STXBP6: variants seen among roughly 807,000 people sequenced by gnomAD.
STXBP6 encodes the protein syntaxin-binding protein 6.
A neutral mutation model predicts 26.9 loss-of-function variants in STXBP6; 21 were observed. That is an observed-to-expected ratio of 0.78 (90% confidence interval 0.55 to 1.12). The LOEUF is 1.12. Ranked by LOEUF, STXBP6 falls within the 50% of genes most tolerant of loss-of-function variation. STXBP6 has a pLI of 0.00. For missense variants in STXBP6, 232 were observed against 257.9 expected (o/e 0.90, Z 0.69); for synonymous variants, 97 against 92.6 (o/e 1.05, Z -0.27).
chr14:24,855,504 G>A (rs1362957244), intron 4 of STXBP6, among the ~76,000 whole-genome samples: 1 of 152,082 alleles, frequency 6.6e-6, no homozygotes, highest in Non-Finnish European at 1.5e-5. Context: ...TTGAAAGAAA[G>A]GGGAAGCATC....
chr14:24,969,794 T>C (rs566967319), intron 2 of STXBP6, among the ~76,000 whole-genome samples: 1 of 152,298 alleles, frequency 6.6e-6, no homozygotes, highest in East Asian at 1.9e-4. Flanking sequence ...GTTTAGATGA[T>C]ACACAGCTGC....
At chr14:24,877,871 C>T (rs923901534) in intron 2 of STXBP6, among the ~76,000 whole-genome samples, 3 of 152,102 alleles carry the variant, frequency 2.0e-5, no homozygotes, top group African/African-American at 7.2e-5. Flanking sequence ...TCTTGCACTC[C>T]CACCAGAAAT....
At chr14:24,879,010 C>T (rs1227459505) in intron 2 of STXBP6, among the ~76,000 whole-genome samples, 1 of 151,984 alleles carries the variant, frequency 6.6e-6, no homozygotes, top group Non-Finnish European at 1.5e-5. Flanking sequence ...GCTAGAAAGC[C>T]TATTGACAGC....
chr14:24,980,125 T>C (rs2074148653), intron 1 of STXBP6, among the ~76,000 whole-genome samples: 2 of 152,192 alleles, frequency 1.3e-5, no homozygotes, highest in Non-Finnish European at 2.9e-5. Flanking sequence ...TTATTATATA[T>C]CACTAAACCT....
chr14:24,846,672 A>T (rs1208059486), intron 4 of STXBP6, among the ~76,000 whole-genome samples: 1 of 152,172 alleles, frequency 6.6e-6, no homozygotes, highest in Non-Finnish European at 1.5e-5. Context: ...GAAATCTGGT[A>T]ACTCTAATGC....
intron 4 of STXBP6, among the ~76,000 whole-genome samples, chr14:24,847,900 C>T (rs1449629119): frequency 2.6e-5 from 4 of 152,146 alleles, no homozygotes; most frequent in Non-Finnish European, 4.4e-5. Context: ...AAATGTCAAA[C>T]ATAAAATGCA....
At chr14:24,887,796 G>C (rs554752296) in intron 2 of STXBP6, among the ~76,000 whole-genome samples, 9 of 152,338 alleles carry the variant, frequency 5.9e-5, no homozygotes, top group African/African-American at 2.2e-4. Flanking sequence ...GTTGACTGCA[G>C]ATGCTTCCCA....
intron 4 of STXBP6, among the ~76,000 whole-genome samples, chr14:24,848,740 TCA>T (rs2139098624): frequency 1.3e-5 from 2 of 152,262 alleles, no homozygotes; most frequent in South Asian, 4.1e-4. Flanking sequence ...GTCATTTATA[TCA>T]CACACAGAAT....
intron 2 of STXBP6, among the ~76,000 whole-genome samples, chr14:24,868,189 ACT>A (rs2069792265): frequency 6.6e-6 from 1 of 152,144 alleles, no homozygotes. Flanking sequence ...ACAGAGTGAG[ACT>A]CTGTTTGAAA....
At chr14:24,990,419 A>T (rs77798758) in intron 1 of STXBP6, among the ~76,000 whole-genome samples, 1 of 151,960 alleles carries the variant, frequency 6.6e-6, no homozygotes, top group African/African-American at 2.4e-5. Flanking sequence ...AGCACTTAGG[A>T]AGGCCGAGGT....
chr14:24,899,801 CAA>C (rs56666133), intron 2 of STXBP6, among the ~76,000 whole-genome samples: 3,035 of 108,398 alleles, frequency 0.028, 175 homozygotes, highest in East Asian at 0.038. Context: ...AAAAAAAAAG[CAA>C]AAAAAAAAAA....
intron 2 of STXBP6, among the ~76,000 whole-genome samples, chr14:24,899,799 AGC>A (rs67121563): frequency 0.48 from 45,093 of 93,306 alleles, 10,592 homozygotes; most frequent in South Asian, 0.51. Flanking sequence ...AAAAAAAAAA[AGC>A]AAAAAAAAAA....
chr14:24,920,678 C>T (rs552486102), intron 2 of STXBP6, among the ~76,000 whole-genome samples: 2 of 152,040 alleles, frequency 1.3e-5, no homozygotes, highest in African/African-American at 4.8e-5. Flanking sequence ...TAAGAAGGAT[C>T]CTGTCTCCCT....
At chr14:24,998,373 T>C (rs1467962448) in intron 1 of STXBP6, among the ~76,000 whole-genome samples, 1 of 152,184 alleles carries the variant, frequency 6.6e-6, no homozygotes, top group Non-Finnish European at 1.5e-5. Flanking sequence ...TATGCATTAA[T>C]TAGAGATGAA....
At chr14:25,036,577 C>T (rs1049650939) in intron 1 of STXBP6, among the ~76,000 whole-genome samples, 13 of 151,712 alleles carry the variant, frequency 8.6e-5, no homozygotes, top group African/African-American at 2.7e-4. Context: ...TCAGCTGGCC[C>T]GGCACGGTGG....
chr14:24,878,736 A>C (rs1308809451), intron 2 of STXBP6: 7 of 438,124 alleles, frequency 1.6e-5, no homozygotes, highest in Non-Finnish European at 3.2e-5. Flanking sequence ...TTCAACCATA[A>C]CACACGTTTC....
chr14:25,010,740 C>G (rs1279351548), intron 1 of STXBP6: 1 of 152,210 alleles, frequency 6.6e-6, no homozygotes, highest in East Asian at 1.9e-4. Flanking sequence ...ATACTACATG[C>G]TTTGCATGTG....
chr14:24,984,197 A>G (rs1047332781), intron 1 of STXBP6, among the ~76,000 whole-genome samples: 4 of 152,184 alleles, frequency 2.6e-5, no homozygotes, highest in African/African-American at 9.7e-5. Flanking sequence ...GTGCGACTGC[A>G]CTCCAGCCTG....
At chr14:24,984,831 T>A (rs1396012440) in intron 1 of STXBP6, among the ~76,000 whole-genome samples, 1 of 152,224 alleles carries the variant, frequency 6.6e-6, no homozygotes, top group Non-Finnish European at 1.5e-5. Context: ...ATTGGTTAAG[T>A]AAATTGTCCT....
Sources: gnomAD v4.1 joint callset for allele counts (sites outside exome capture counted in the v4.1 genomes callset) on GRCh38, gnomAD v4.1.1 for gene constraint, MANE v1.5 for transcripts, NCBI Gene and HGNC (gene_info 2026-07-23, HGNC 2026-07-21) for gene names.